ZNF839: variants seen among roughly 807,000 people sequenced by gnomAD.
ZNF839 encodes the protein renal carcinoma antigen NY-REN-50.
ZNF839 carries 38 observed loss-of-function variants against 56.4 expected under a neutral mutation model. That is an observed-to-expected ratio of 0.67 (90% confidence interval 0.52 to 0.88). The LOEUF is 0.88. ZNF839 is among the 40% of genes least tolerant of loss of function. The pLI is 0.00. For missense variants in ZNF839, 1,091 were observed against 1,177.6 expected, an observed-to-expected ratio of 0.93 and a Z score of 1.08; for synonymous variants, 486 against 493.5, an observed-to-expected ratio of 0.98 and a Z score of 0.20.
intron 1 of ZNF839, among the ~76,000 whole-genome samples, chr14:102,321,895 C>T (rs974349699): frequency 1.3e-5 from 2 of 152,028 alleles, no homozygotes; most frequent in Non-Finnish European, 2.9e-5. Context: ...GCAGAAGGCC[C>T]AGTGTTCGCT....
chr14:102,320,242 C>T (rs900166530), intron 1 of ZNF839, among the ~76,000 whole-genome samples, 189 bp downstream of exon 1: 8 of 152,192 alleles, frequency 5.3e-5, no homozygotes, highest in African/African-American at 1.9e-4. Flanking sequence ...ACCCCAGGAG[C>T]CTCACTCTAG....
At position 102,339,172 on chromosome 14, in the gene ZNF839, G is replaced by A. The variant is rs761944304; in HGVS notation, c.1876G>A (p.Ala626Thr). ...CAACGATACCACTGAATCTCTTGCT[G>A]CCAACAGCAGAGGCCGGGAGAAGCC... The part of the protein sequence containing the change: ...LSNDTTESLA[A>T]NSRGREKPRP... Residue 626 changes from alanine to threonine, a missense_variant, in exon 7 of 8, where the codon GCC (alanine) becomes ACC (threonine). Ala to Thr is a moderately conservative substitution (Grantham distance 58). This residue lies in a region of ZNF839 where 431 missense variants were observed against 468.0 expected (regional missense o/e 0.92). Coordinates refer to ENST00000442396, the MANE Select transcript of ZNF839 (RefSeq NM_018335.6). 12 of 1,612,752 alleles carry A rather than the reference G, an allele frequency of 7.4e-6. No individual in the cohort carries two copies. The Admixed American group carries it at 2.0e-4, about 27-fold the overall frequency.
At chr14:102,334,016 A>T (rs1007807059) in intron 3 of ZNF839, among the ~76,000 whole-genome samples, 3 of 152,108 alleles carry the variant, frequency 2.0e-5, no homozygotes, top group Non-Finnish European at 4.4e-5. Context: ...CTGAGTCCTC[A>T]TCTTTTCCTG....
chr14:102,339,963 A>T (rs887954615), intron 7 of ZNF839, among the ~76,000 whole-genome samples: 1 of 151,948 alleles, frequency 6.6e-6, no homozygotes, highest in South Asian at 2.1e-4. Flanking sequence ...AGGCACTTAA[A>T]AAATTATATA....
chr14:102,341,238 G>A, intron 7 of ZNF839, 85 bp from the exon 8 acceptor site: 1 of 1,421,848 alleles, frequency 7.0e-7, no homozygotes, highest in South Asian at 2.0e-5. Flanking sequence ...CAGGTGACTT[G>A]GCCTAGCTGG....
intron 7 of ZNF839, 125 bp downstream of exon 7, chr14:102,339,348 T>C: frequency 7.6e-7 from 1 of 1,322,498 alleles, no homozygotes; most frequent in Non-Finnish European, 1.0e-6. Flanking sequence ...GGGGACCCTC[T>C]GGTTTCTCAA....
chr14:102,320,677 G>T (rs115809622), intron 1 of ZNF839, among the ~76,000 whole-genome samples: 1,539 of 152,304 alleles, frequency 0.01, 33 homozygotes, highest in African/African-American at 0.035. Context: ...ATTTGTAACC[G>T]CAGTACCCAG....
At chr14:102,338,062 A>G (rs1419260722) in intron 5 of ZNF839, among the ~76,000 whole-genome samples, 1 of 152,210 alleles carries the variant, frequency 6.6e-6, no homozygotes, top group Non-Finnish European at 1.5e-5. Flanking sequence ...CAGGCCCCCA[A>G]GCCCATGCCT....
At chr14:102,331,962 T>C in intron 3 of ZNF839, 116 bp downstream of exon 3, 1 of 824,490 alleles carries the variant, frequency 1.2e-6, no homozygotes. Flanking sequence ...GCATTAAGTG[T>C]GTGATGATGC....
chr14:102,334,654 C>T lies in ZNF839; in HGVS notation c.1509+8C>T. On this transcript the variant is annotated splice_region_variant and intron_variant, in intron 4 of 7. Coordinates refer to ENST00000442396, the MANE Select transcript of ZNF839 (RefSeq NM_018335.6). ...GAGTTTCTTCTGATGAAGGTGAGTA[C>T]TCTTAGTGTTTCTAAATGATAGCGG... The T allele has an allele frequency of 2.5e-6, 4 of 1,574,264 alleles. No individual in the cohort carries two copies. The highest frequency in any genetic ancestry group is 3.5e-6 in the Non-Finnish European group (4 of 1,146,860).
intron 1 of ZNF839, among the ~76,000 whole-genome samples, chr14:102,323,555 A>G (rs2073245247): frequency 6.6e-6 from 1 of 152,160 alleles, no homozygotes; most frequent in African/African-American, 2.4e-5. Context: ...CCCCTTTGGT[A>G]GGTGTTTTGC....
rs775790731 is a variant in ZNF839 at position 102,334,510 on chromosome 14, T to C, written c.1417-44T>C. On this transcript the variant is annotated intron_variant, in intron 3 of 7. Coordinates refer to ENST00000442396, the MANE Select transcript of ZNF839 (RefSeq NM_018335.6). ...CACCAACTTGTTGGCTATTGGGAAA[T>C]TCTTACGGGACATTCAAAGGCATGA... The C allele has an allele frequency of 5.5e-6, 8 of 1,451,072 alleles. No individual in the cohort carries two copies. The East Asian group carries it at 9.3e-5, about 17-fold the overall frequency. 89.9% of individuals were successfully genotyped at this position (1,451,072 alleles called of 1,614,324 possible). A position where few individuals can be genotyped will look rare whatever the true frequency, so the allele number is the denominator to read the frequency against.
chr14:102,339,342 A>T (rs1453938436), intron 7 of ZNF839, 119 bp downstream of exon 7: 1 of 1,354,000 alleles, frequency 7.4e-7, no homozygotes, highest in Non-Finnish European at 9.9e-7. Flanking sequence ...ATTTAAGGGG[A>T]CCCTCTGGTT....
At chr14:102,319,549 TA>T, upstream of ZNF839, 1 of 460,626 alleles carries the variant, frequency 2.2e-6, no homozygotes, top group Non-Finnish European at 3.4e-6. The surrounding 1 kb of genome is among the most constrained non-coding windows in gnomAD (Gnocchi z 4.5). Context: ...TGACAGGCAA[TA>T]AGGAAAATAA....
intron 4 of ZNF839, 31 bp downstream of exon 4, chr14:102,334,677 C>A (rs370028081): frequency 3.8e-6 from 5 of 1,300,644 alleles, no homozygotes; most frequent in Admixed American, 3.8e-5. Context: ...TAAATGATAG[C>A]GGGATGATTA....
upstream of ZNF839, chr14:102,319,696 T>TC: frequency 8.2e-7 from 1 of 1,218,204 alleles, no homozygotes; most frequent in South Asian, 4.2e-5. The surrounding 1 kb of genome is among the most constrained non-coding windows in gnomAD (Gnocchi z 4.5). Context: ...AGCCCGCCCC[T>TC]CTCCTAGGTG....
chr14:102,331,563 T>A (rs1345550914), intron 2 of ZNF839, 59 bp from the exon 3 acceptor site: 1 of 1,466,554 alleles, frequency 6.8e-7, no homozygotes, highest in East Asian at 2.4e-5. Context: ...AAAAGGTTTT[T>A]ATGGGGTATA....
intron 2 of ZNF839, among the ~76,000 whole-genome samples, chr14:102,329,944 C>T (rs1432231696): frequency 6.6e-6 from 1 of 151,266 alleles, no homozygotes; most frequent in African/African-American, 2.4e-5. Flanking sequence ...CAGGTGCCCA[C>T]CATCATGCCC....
intron 5 of ZNF839, 64 bp downstream of exon 5, chr14:102,335,902 C>T (rs1207557330): frequency 1.3e-5 from 20 of 1,567,550 alleles, no homozygotes; most frequent in Admixed American, 1.8e-5. Flanking sequence ...AGAAGGGCCA[C>T]GTGCAGTGGC....
Sources: allele counts gnomAD v4.1 joint callset (sites outside exome capture counted in the v4.1 genomes callset), GRCh38; gene constraint gnomAD v4.1.1; regional missense constraint gnomAD v4.1.1; non-coding constraint Gnocchi (gnomAD v3.1); transcripts MANE v1.5; gene names NCBI Gene and HGNC (gene_info 2026-07-23, HGNC 2026-07-21).